The following GRIK1 variants were observed in gnomAD, a reference collection of about 807,000 sequenced individuals.
The protein encoded by GRIK1 is glutamate receptor ionotropic, kainate 1.
In GRIK1, 69 loss-of-function variants were observed where a neutral mutation model predicts 105.7. The ratio of observed to expected loss-of-function variants is 0.65; its 90% CI spans 0.54 to 0.80. The LOEUF is 0.80. Among genes scored for constraint, GRIK1 ranks in the 30% least tolerant of loss-of-function variants. The pLI is 0.00. For synonymous variants in GRIK1, 438 were observed against 431.3 expected, an observed-to-expected ratio of 1.02 and a Z score of -0.19; for missense variants, 1,109 against 1,167.3, an observed-to-expected ratio of 0.95 and a Z score of 0.73.
intron 16 of GRIK1, among the ~76,000 whole-genome samples, chr21:29,546,460 A>G (rs1439559329): frequency 6.6e-6 from 1 of 151,986 alleles, no homozygotes; most frequent in Non-Finnish European, 1.5e-5. Flanking sequence ...TTCCCTTTTA[A>G]TTTTTCTGTG....
chr21:29,674,376 T>G (rs534779881), intron 3 of GRIK1, among the ~76,000 whole-genome samples: 37 of 151,916 alleles, frequency 2.4e-4, no homozygotes, highest in Non-Finnish European at 4.7e-4. Flanking sequence ...TACAATAAAT[T>G]TATAATGATA....
intron 1 of GRIK1, among the ~76,000 whole-genome samples, chr21:29,729,802 A>T (rs1045428225): frequency 3.9e-5 from 6 of 152,162 alleles, no homozygotes; most frequent in Non-Finnish European, 8.8e-5. Flanking sequence ...GTGGATCTGT[A>T]TATTTTGAAT....
chr21:29,736,470 C>T lies in GRIK1; in HGVS notation c.119-42407G>A, dbSNP rs953746336. ...TTTGGAACTCCTGACTTCAAGTGAT[C>T]CTTCCTCCTCAGCCTCCCAAAGTGC... On this transcript the variant is annotated intron_variant, in intron 1 of 17. Coordinates refer to ENST00000327783, the MANE Select transcript of GRIK1 (RefSeq NM_001330994.2). Among the ~76,000 whole-genome samples, 5 of 152,208 alleles carry T rather than the reference C, an allele frequency of 3.3e-5. 1 individual carries two copies. In the East Asian group the frequency reaches 9.7e-4, roughly 29 times the overall value.
chr21:29,670,310 G>A (rs2146634738), intron 4 of GRIK1, among the ~76,000 whole-genome samples: 1 of 152,324 alleles, frequency 6.6e-6, no homozygotes, highest in South Asian at 2.1e-4. Flanking sequence ...AAAAATGTCT[G>A]TGTCAGTGGT....
chr21:29,886,104 C>T lies in GRIK1; in HGVS notation c.118+53279G>A, dbSNP rs150032748. Among the ~76,000 whole-genome samples the T allele has an allele frequency of 1.3e-3, 203 of 152,192 alleles. 3 individuals are homozygous for T. Among genetic ancestry groups the T allele is most frequent in the African/African-American group, 4.6e-3 (193 of 41,542 alleles). On this transcript the variant is annotated intron_variant, in intron 1 of 17. Coordinates refer to ENST00000327783, the MANE Select transcript of GRIK1 (RefSeq NM_001330994.2). Reference sequence around the variant, plus strand: ...AAATGCTCAATAAACAAGGCACTTTCCTCCCAAATGACACAAGAGTCAAAT... The same window carrying T: ...AAATGCTCAATAAACAAGGCACTTTTCTCCCAAATGACACAAGAGTCAAAT...
At chr21:29,790,538 C>T (rs2066385934) in intron 1 of GRIK1, among the ~76,000 whole-genome samples, 1 of 151,892 alleles carries the variant, frequency 6.6e-6, no homozygotes, top group Non-Finnish European at 1.5e-5. Context: ...TCACTGCAGC[C>T]TCGAACTTCC....
intron 1 of GRIK1, among the ~76,000 whole-genome samples, chr21:29,700,446 C>G (rs1324330963): frequency 6.6e-6 from 1 of 152,166 alleles, no homozygotes; most frequent in Admixed American, 6.5e-5. Flanking sequence ...CAATAATGTG[C>G]TATTCGTGAA....
chr21:29,843,698 G>T (rs1170688710), intron 1 of GRIK1, among the ~76,000 whole-genome samples: 1 of 152,188 alleles, frequency 6.6e-6, no homozygotes, highest in African/African-American at 2.4e-5. Context: ...AAAATCCCAG[G>T]AGAAGATAGA....
At chr21:29,583,281 T>C (rs1041843633) in intron 12 of GRIK1, among the ~76,000 whole-genome samples, 1 of 152,184 alleles carries the variant, frequency 6.6e-6, no homozygotes, top group African/African-American at 2.4e-5. Context: ...ATAGCCATAG[T>C]AGTTTGCTGA....
chr21:29,658,437 AT>A (rs941908767), intron 4 of GRIK1, among the ~76,000 whole-genome samples: 3 of 151,926 alleles, frequency 2.0e-5, no homozygotes, highest in Non-Finnish European at 4.4e-5. Flanking sequence ...TAATTTTTAT[AT>A]TTTTAGTAGA....
Position 29,606,684 on chromosome 21 carries a change from AC to A in GRIK1, c.1099-7748del, listed in dbSNP as rs1601247591. ...TTTTTTAAAAACAAAACAAAACAAA[AC>A]AAAACAAAACAAAAAAAACAAAAAA... On this transcript the variant is annotated intron_variant, in intron 7 of 17. Transcript: ENST00000327783. 2.0e-5 allele frequency among the ~76,000 whole-genome samples: 3 copies of A among 151,342 alleles called. No individual in the cohort carries two copies. The East Asian group carries it at 5.8e-4, about 29-fold the overall frequency.
At chr21:29,610,753 A>G (rs985413676) in intron 7 of GRIK1, among the ~76,000 whole-genome samples, 1 of 152,220 alleles carries the variant, frequency 6.6e-6, no homozygotes, top group Non-Finnish European at 1.5e-5. Flanking sequence ...CCTAAAAAGC[A>G]ATAGGAAACT....
intron 1 of GRIK1, among the ~76,000 whole-genome samples, chr21:29,723,675 A>G (rs1376681971): frequency 1.3e-5 from 2 of 152,258 alleles, no homozygotes; most frequent in African/African-American, 2.4e-5. Flanking sequence ...TTCTAAGTGT[A>G]GTCACAATTA....
chr21:29,850,596 G>C (rs2832452), intron 1 of GRIK1, among the ~76,000 whole-genome samples: 1 of 151,962 alleles, frequency 6.6e-6, no homozygotes. Context: ...GTTATTGATG[G>C]AAGTAATTTT....
intron 1 of GRIK1, among the ~76,000 whole-genome samples, chr21:29,918,404 G>T (rs769905931): frequency 2.6e-5 from 4 of 152,016 alleles, no homozygotes; most frequent in Non-Finnish European, 5.9e-5. Flanking sequence ...GAAAATTGAT[G>T]CTAAGAGAGG....
chr21:29,550,797 G>A (rs1289222487), intron 16 of GRIK1, among the ~76,000 whole-genome samples: 5 of 152,084 alleles, frequency 3.3e-5, no homozygotes, highest in Non-Finnish European at 7.4e-5. Context: ...TCTCCAGAAG[G>A]TACCAACAGT....
intron 15 of GRIK1, among the ~76,000 whole-genome samples, chr21:29,560,296 T>C (rs1601109586): frequency 1.1e-5 from 1 of 92,968 alleles, no homozygotes; most frequent in Non-Finnish European, 2.1e-5. Flanking sequence ...TCTTTCTTTC[T>C]TTCTTTCTTT....
chr21:29,768,553 C>A (rs1184876843), intron 1 of GRIK1, among the ~76,000 whole-genome samples: 9 of 152,310 alleles, frequency 5.9e-5, no homozygotes, highest in East Asian at 3.9e-4. Context: ...AAAGAGGAAG[C>A]ATGATGTATC....
chr21:29,614,061 TAAC>T (rs2061786850), intron 7 of GRIK1, among the ~76,000 whole-genome samples: 1 of 152,168 alleles, frequency 6.6e-6, no homozygotes, highest in East Asian at 1.9e-4. Context: ...GGGATTTAGA[TAAC>T]AACCCCTAGC....
Sources: gnomAD v4.1 joint callset for allele counts (sites outside exome capture counted in the v4.1 genomes callset) on GRCh38, gnomAD v4.1.1 for gene constraint, MANE v1.5 for transcripts, NCBI Gene and HGNC (gene_info 2026-07-23, HGNC 2026-07-21) for gene names.